The following ZGRF1 variants were observed in gnomAD, a reference collection of about 807,000 sequenced individuals.
ZGRF1 encodes the protein zinc finger GRF-type containing 1.
ZGRF1 carries 196 observed loss-of-function variants against 203.5 expected under a neutral mutation model. The observed-to-expected ratio is 0.96, with a 90% CI of 0.86 to 1.08. The LOEUF (loss-of-function observed/expected upper bound fraction) is 1.08, where lower values mean the gene tolerates loss of function less well. ZGRF1 is among the 50% of genes least tolerant of loss of function. ZGRF1 has a pLI of 0.00. For missense variants in ZGRF1, 2,326 were observed against 2,416.3 expected (o/e 0.96, Z 0.78); for synonymous variants, 809 against 841.3 (o/e 0.96, Z 0.66).
At chr4:112,565,177 C>T (rs951256597) in intron 16 of ZGRF1, 31 of 1,508,514 alleles carry the variant, frequency 2.1e-5, no homozygotes, top group South Asian at 3.4e-5. Context: ...ACTTCTGATT[C>T]GCTAACTTCC....
intron 1 of ZGRF1, among the ~76,000 whole-genome samples, chr4:112,633,509 A>G (rs1318690909): frequency 6.6e-6 from 1 of 152,212 alleles, no homozygotes. Flanking sequence ...CAGATGCATA[A>G]TATGTATCAG....
In ZGRF1 at chr4:112,575,762, G is replaced by A. The variant is rs114761959; in HGVS notation, c.4438+5901C>T. On this transcript the variant is annotated intron_variant, in intron 16 of 27. Transcript: ENST00000505019. The stretch of plus-strand genomic sequence containing the variant: ...GCCTGCCATTGCAGAGGCTTGAGTA[G>A]GTAAACAAAGTGGCAGGAAGCTCGA... Among the ~76,000 whole-genome samples, 506 of 152,332 alleles carry A rather than the reference G, an allele frequency of 3.3e-3. 3 individuals carry two copies. The highest frequency in any genetic ancestry group is 7.9e-3 in the South Asian group (38 of 4,830).
At chr4:112,634,728 G>T in intron 1 of ZGRF1, among the ~76,000 whole-genome samples, 1 of 152,294 alleles carries the variant, frequency 6.6e-6, no homozygotes, top group Non-Finnish European at 1.5e-5. Flanking sequence ...ACTAATCAAG[G>T]TGATCTGGAG....
chr4:112,543,314 T>C (rs953828522), intron 24 of ZGRF1, among the ~76,000 whole-genome samples: 1 of 152,228 alleles, frequency 6.6e-6, no homozygotes, highest in African/African-American at 2.4e-5. Context: ...TATATGTTTA[T>C]TGTATTAGTA....
At chr4:112,584,929 T>C (rs1340614953) in intron 14 of ZGRF1, among the ~76,000 whole-genome samples, 1 of 152,248 alleles carries the variant, frequency 6.6e-6, no homozygotes, top group Non-Finnish European at 1.5e-5. Flanking sequence ...AGCATACTTT[T>C]CTATTCCTCT....
intron 15 of ZGRF1, among the ~76,000 whole-genome samples, chr4:112,582,288 CTT>C (rs34363128): frequency 1.5e-3 from 206 of 142,018 alleles, no homozygotes; most frequent in Admixed American, 1.7e-3. Context: ...TACTGTATTC[CTT>C]TTTTTTTTTT....
At chr4:112,567,171 C>T (rs555718453) in intron 16 of ZGRF1, among the ~76,000 whole-genome samples, 1 of 152,200 alleles carries the variant, frequency 6.6e-6, no homozygotes, top group Admixed American at 6.5e-5. Context: ...TTGTGGTTTT[C>T]TGGTGCCTGG....
At chr4:112,570,431 A>G (rs975759415) in intron 16 of ZGRF1, among the ~76,000 whole-genome samples, 1 of 152,014 alleles carries the variant, frequency 6.6e-6, no homozygotes, top group Admixed American at 6.6e-5. Context: ...TCTACTAAAA[A>G]TAGAAAATTT....
intron 7 of ZGRF1, chr4:112,610,943 TG>T: frequency 3.3e-6 from 1 of 305,108 alleles, no homozygotes; most frequent in Non-Finnish European, 6.3e-6. Context: ...TTTTTTTAAC[TG>T]GACACAAAAA....
chr4:112,599,563 A>G (rs1275501330), intron 10 of ZGRF1, among the ~76,000 whole-genome samples: 1 of 151,902 alleles, frequency 6.6e-6, no homozygotes, highest in Non-Finnish European at 1.5e-5. Flanking sequence ...CTAAAAAAAA[A>G]AAAAAAAAAT....
intron 22 of ZGRF1, among the ~76,000 whole-genome samples, chr4:112,552,810 T>A (rs1029879574): frequency 6.6e-6 from 1 of 152,220 alleles, no homozygotes; most frequent in African/African-American, 2.4e-5. Context: ...TATATTTCCC[T>A]GCCTCACTGA....
chr4:112,561,347 G>A (rs1741944815), intron 18 of ZGRF1: 4 of 213,914 alleles, frequency 1.9e-5, no homozygotes, highest in Non-Finnish European at 3.8e-5. Context: ...ACAAATAAGT[G>A]GCGGACTGAC....
chr4:112,575,962 G>A (rs549749073), intron 16 of ZGRF1, among the ~76,000 whole-genome samples: 1 of 152,344 alleles, frequency 6.6e-6, no homozygotes, highest in South Asian at 2.1e-4. Context: ...GGACATCTGA[G>A]AATGGACAGA....
At chr4:112,550,713 C>T (rs929676389) in intron 22 of ZGRF1, among the ~76,000 whole-genome samples, 2 of 152,140 alleles carry the variant, frequency 1.3e-5, no homozygotes, top group South Asian at 4.1e-4. Flanking sequence ...CTTAGCCAGG[C>T]GTAGTGGCAG....
intron 22 of ZGRF1, among the ~76,000 whole-genome samples, chr4:112,552,239 T>A (rs55945271): frequency 6.7e-6 from 1 of 149,812 alleles, no homozygotes; most frequent in Non-Finnish European, 1.5e-5. Context: ...ACTGCGCCAC[T>A]GCACTCCAGC....
chr4:112,545,685 CAGG>C (rs1176937825), intron 24 of ZGRF1, among the ~76,000 whole-genome samples: 1 of 152,178 alleles, frequency 6.6e-6, no homozygotes, highest in African/African-American at 2.4e-5. Flanking sequence ...TCAATGTTCA[CAGG>C]AGATTTTTCA....
intron 7 of ZGRF1, among the ~76,000 whole-genome samples, chr4:112,609,971 T>G (rs1327213209): frequency 1.3e-5 from 2 of 151,714 alleles, no homozygotes; most frequent in African/African-American, 4.8e-5. Context: ...AAACCCCATC[T>G]CTACAAAAAA....
chr4:112,604,319 CTAAT>C (rs1283512229), intron 9 of ZGRF1, among the ~76,000 whole-genome samples: 1 of 151,950 alleles, frequency 6.6e-6, no homozygotes, highest in Non-Finnish European at 1.5e-5. Flanking sequence ...ATAATAATAG[CTAAT>C]TAAACCAGAA....
intron 3 of ZGRF1, among the ~76,000 whole-genome samples, chr4:112,628,047 C>T (rs1450991603): frequency 6.6e-6 from 1 of 152,150 alleles, no homozygotes; most frequent in African/African-American, 2.4e-5. Context: ...TATATATATG[C>T]TTCATCTGGA....
Sources: allele counts gnomAD v4.1 joint callset (sites outside exome capture counted in the v4.1 genomes callset), GRCh38; gene constraint gnomAD v4.1.1; transcripts MANE v1.5; gene names NCBI Gene and HGNC (gene_info 2026-07-23, HGNC 2026-07-21).